LRRC69: variants seen among roughly 807,000 people sequenced by gnomAD.
LRRC69 encodes leucine rich repeat containing 69.
A neutral mutation model predicts 37.8 loss-of-function variants in LRRC69; 42 were observed. The observed-to-expected ratio is 1.11, with a 90% CI of 0.87 to 1.44. The LOEUF is 1.44. LRRC69 is among the 40% of genes most tolerant of loss of function. LRRC69 has a pLI of 0.00. For synonymous variants in LRRC69, 141 were observed against 143.1 expected, an observed-to-expected ratio of 0.99 and a Z score of 0.11; for missense variants, 357 against 401.9, an observed-to-expected ratio of 0.89 and a Z score of 0.96.
intron 6 of LRRC69, among the ~76,000 whole-genome samples, chr8:91,192,066 A>G (rs1225341709): frequency 7.1e-6 from 1 of 141,316 alleles, no homozygotes; most frequent in Non-Finnish European, 1.5e-5. Flanking sequence ...TCATTGTTCA[A>G]TTCCCACCTA....
chr8:91,160,475 A>C (rs1808919923), intron 5 of LRRC69, among the ~76,000 whole-genome samples: 1 of 151,048 alleles, frequency 6.6e-6, no homozygotes, highest in Admixed American at 6.6e-5. Flanking sequence ...TTGAATTGTA[A>C]TCTCCAATGT....
At chr8:91,108,245 T>C (rs553309912) in intron 1 of LRRC69, among the ~76,000 whole-genome samples, 1 of 152,034 alleles carries the variant, frequency 6.6e-6, no homozygotes, top group Non-Finnish European at 1.5e-5. Context: ...TAATCTCTCC[T>C]TTTCATACTT....
intron 5 of LRRC69, among the ~76,000 whole-genome samples, chr8:91,147,278 T>C (rs1808638650): frequency 6.8e-6 from 1 of 146,396 alleles, no homozygotes; most frequent in African/African-American, 2.5e-5. Flanking sequence ...ACATATATTA[T>C]ATATAAACAT....
chr8:91,141,144 T>C (rs903603105), intron 5 of LRRC69, among the ~76,000 whole-genome samples: 3 of 152,104 alleles, frequency 2.0e-5, no homozygotes, highest in African/African-American at 7.2e-5. Flanking sequence ...ATATCTGAAG[T>C]ATGGCCTTTA....
intron 5 of LRRC69, among the ~76,000 whole-genome samples, chr8:91,180,697 G>A (rs181983655): frequency 6.2e-4 from 94 of 152,222 alleles, no homozygotes; most frequent in Non-Finnish European, 1.0e-3. Context: ...TCAGAAAATA[G>A]GAAGATGAAG....
intron 5 of LRRC69, chr8:91,157,198 G>C: frequency 1.1e-6 from 1 of 928,436 alleles, no homozygotes; most frequent in Non-Finnish European, 1.7e-6. Context: ...TCTGTAGATT[G>C]CTTTGTGTAA....
intron 3 of LRRC69, among the ~76,000 whole-genome samples, chr8:91,128,862 C>T (rs1449316835): frequency 2.0e-5 from 3 of 151,916 alleles, no homozygotes; most frequent in African/African-American, 7.2e-5. Context: ...TGGCATTCTC[C>T]TCTTGCCCTG....
chr8:91,148,258 G>T (rs904218912), intron 5 of LRRC69, among the ~76,000 whole-genome samples: 7 of 150,360 alleles, frequency 4.7e-5, no homozygotes, highest in Middle Eastern at 3.4e-3. Flanking sequence ...TCAGGCCCCA[G>T]TGTGTGATGT....
At chr8:91,176,349 G>A (rs567774392) in intron 5 of LRRC69, among the ~76,000 whole-genome samples, 1 of 151,778 alleles carries the variant, frequency 6.6e-6, no homozygotes, top group African/African-American at 2.4e-5. Flanking sequence ...GTTTCACCAT[G>A]TTGGCCAGGA....
chr8:91,154,189 C>T (rs937827492), intron 5 of LRRC69, among the ~76,000 whole-genome samples: 1 of 151,602 alleles, frequency 6.6e-6, no homozygotes, highest in African/African-American at 2.4e-5. Flanking sequence ...CTTGAATAGA[C>T]CAATAACAAG....
At chr8:91,123,312 A>C (rs981175460) in intron 1 of LRRC69, among the ~76,000 whole-genome samples, 1 of 152,070 alleles carries the variant, frequency 6.6e-6, no homozygotes, top group Non-Finnish European at 1.5e-5. Flanking sequence ...TAAAATAGCT[A>C]CATGAATGTA....
At chr8:91,118,532 G>A (rs1813559009) in intron 1 of LRRC69, 48 of 232,614 alleles carry the variant, frequency 2.1e-4, no homozygotes, top group South Asian at 5.8e-4. Context: ...GTCTCAAAAG[G>A]AAAAAAAAAT....
chr8:91,183,472 A>G (rs1237644792), intron 5 of LRRC69, among the ~76,000 whole-genome samples: 2 of 152,164 alleles, frequency 1.3e-5, no homozygotes, highest in Non-Finnish European at 2.9e-5. Context: ...ATACTAGAAG[A>G]CCAAAATTTA....
intron 7 of LRRC69, among the ~76,000 whole-genome samples, chr8:91,211,290 G>A (rs1164952286): frequency 6.6e-6 from 1 of 151,792 alleles, no homozygotes; most frequent in African/African-American, 2.4e-5. Flanking sequence ...GTATATGATA[G>A]TAAAAAAGTA....
intron 7 of LRRC69, chr8:91,205,611 A>G (rs576677951): frequency 1.6e-4 from 25 of 151,592 alleles, no homozygotes; most frequent in African/African-American, 5.8e-4. Flanking sequence ...TTTTTCTCAC[A>G]ATGTCCTTTA....
intron 5 of LRRC69, chr8:91,158,239 C>T (rs1808871319): frequency 1.3e-6 from 2 of 1,581,180 alleles, no homozygotes; most frequent in African/African-American, 1.4e-5. Context: ...TTAAGGATCT[C>T]TACAGTGGAT....
At chr8:91,160,080 G>A (rs1215558830) in intron 5 of LRRC69, among the ~76,000 whole-genome samples, 2 of 150,894 alleles carry the variant, frequency 1.3e-5, no homozygotes, top group African/African-American at 4.9e-5. Flanking sequence ...TATTTTGTAG[G>A]TATCATTGTG....
chr8:91,112,383 G>A (rs1813423700), intron 1 of LRRC69, among the ~76,000 whole-genome samples: 1 of 151,940 alleles, frequency 6.6e-6, no homozygotes, highest in African/African-American at 2.4e-5. Flanking sequence ...CCTGATAGAA[G>A]GAAAAGAGAT....
At chr8:91,125,319 T>C (rs1377604831) in intron 2 of LRRC69, among the ~76,000 whole-genome samples, 1 of 151,828 alleles carries the variant, frequency 6.6e-6, no homozygotes, top group Non-Finnish European at 1.5e-5. Context: ...ATGGGTGCTA[T>C]ATATAATCAT....
Sources: allele counts gnomAD v4.1 joint callset (sites outside exome capture counted in the v4.1 genomes callset), GRCh38; gene constraint gnomAD v4.1.1; transcripts MANE v1.5; gene names NCBI Gene and HGNC (gene_info 2026-07-23, HGNC 2026-07-21).